EFEMP1: variants seen among roughly 807,000 people sequenced by gnomAD.
The protein encoded by EFEMP1 is EGF-like fibulin extracellular matrix protein 1, also known as EGF-containing fibulin-like extracellular matrix protein 1.
Under a neutral mutation model 65.7 loss-of-function variants are expected in EFEMP1, and 18 were observed. The observed-to-expected ratio is 0.27, with a 90% confidence interval of 0.19 to 0.41. EFEMP1 has a LOEUF of 0.41. Ranked by LOEUF, EFEMP1 falls within the 10% of genes least tolerant of loss-of-function variation. The probability of loss-of-function intolerance (pLI) is 1.00; values close to 1 mark genes in which losing one functional copy is unlikely to be tolerated. For missense variants in EFEMP1, 469 were observed against 624.8 expected (o/e 0.75, Z 2.66); for synonymous variants, 237 against 219.7 (o/e 1.08, Z -0.70).
chr2:55,908,348 A>G (rs1407850972), intron 5 of EFEMP1, among the ~76,000 whole-genome samples: 1 of 152,174 alleles, frequency 6.6e-6, no homozygotes, highest in Non-Finnish European at 1.5e-5. Context: ...CAGAAAGACA[A>G]TTACAGCATG....
intron 11 of EFEMP1, among the ~76,000 whole-genome samples, chr2:55,869,642 C>T (rs2104366307): frequency 6.6e-6 from 1 of 151,818 alleles, no homozygotes; most frequent in South Asian, 2.1e-4. Flanking sequence ...TAAACTGTAC[C>T]ACAAGGATGA....
intron 6 of EFEMP1, among the ~76,000 whole-genome samples, chr2:55,879,576 A>G (rs565837644): frequency 6.4e-4 from 97 of 152,204 alleles, no homozygotes; most frequent in Non-Finnish European, 1.0e-3. Flanking sequence ...TGGCACCCCA[A>G]GTTTATAATG....
intron 11 of EFEMP1, among the ~76,000 whole-genome samples, chr2:55,869,374 G>A (rs76637137): frequency 0.016 from 2,468 of 152,008 alleles, 80 homozygotes; most frequent in African/African-American, 0.056. Context: ...TTCATTCAGT[G>A]GAAATTTCTT....
At chr2:55,872,081 C>G (rs989532254) in intron 9 of EFEMP1, among the ~76,000 whole-genome samples, 1 of 151,946 alleles carries the variant, frequency 6.6e-6, no homozygotes, top group Non-Finnish European at 1.5e-5. Flanking sequence ...ACAACAACAA[C>G]AACAACAATA....
Position 55,917,271 on chromosome 2 carries a change from C to G in EFEMP1, c.517+394G>C. On this transcript the variant is annotated intron_variant, in intron 5 of 11. Transcript: ENST00000355426. The surrounding 1 kb of genome is among the most constrained non-coding windows in gnomAD (Gnocchi z 6.3). Reference sequence around the variant, plus strand: ...GGAAGGTCAGCTCTGCACTTAGCACCTGTGTGACCTCTGGTTCTCAAACTT... The same window carrying G: ...GGAAGGTCAGCTCTGCACTTAGCACGTGTGTGACCTCTGGTTCTCAAACTT... Among the ~76,000 whole-genome samples the G allele has an allele frequency of 6.6e-6, 1 of 152,164 alleles. No individual in the cohort carries two copies.
intron 5 of EFEMP1, among the ~76,000 whole-genome samples, chr2:55,900,068 G>A (rs1019195559): frequency 2.0e-5 from 3 of 152,106 alleles, no homozygotes; most frequent in African/African-American, 7.2e-5. Context: ...TGAGCTATGC[G>A]GTTAAGTTCA....
rs978877019 is a variant in EFEMP1 at position 55,917,489 on chromosome 2, G to A, written c.517+176C>T. ...CACAGTTTCCCATTTGTAAAGCAAT[G>A]ATGACAACTACAGCAACTACCCTTT... On this transcript the variant is annotated intron_variant, in intron 5 of 11. Coordinates refer to ENST00000355426, the MANE Select transcript of EFEMP1 (RefSeq NM_001039348.3). The surrounding 1 kb of genome is among the most constrained non-coding windows in gnomAD (Gnocchi z 6.3). 1.3e-5 allele frequency among the ~76,000 whole-genome samples: 2 copies of A among 152,192 alleles called. No individual in the cohort carries two copies. Among genetic ancestry groups the A allele is most frequent in the Non-Finnish European group, 2.9e-5 (2 of 68,032 alleles).
Position 55,917,990 on chromosome 2 carries a change from G to A in EFEMP1, c.192C>T (p.His64=). 1 of 1,614,212 alleles carries A rather than the reference G, an allele frequency of 6.2e-7. No individual in the cohort carries two copies. The highest frequency in any genetic ancestry group is 1.1e-5 in the South Asian group (1 of 91,082). Residue 64 remains histidine (H), a synonymous_variant, in exon 5 of 12, where the codon CAC becomes CAT. Transcript: ENST00000355426. This position sits in a 1 kb window ranked among gnomAD's most constrained non-coding sequence, Gnocchi z 6.3. ...TCGGAAGGCAGAGGTATCCTCCATA[G>A]TGGTTGACACACTTCATTCCACCTT... ...ACKGGMKCVN[H]YGGYLCLPKT... is the part of the protein sequence containing the mutation.
chr2:55,889,595 T>C (rs1239153261), intron 5 of EFEMP1, among the ~76,000 whole-genome samples: 1 of 152,178 alleles, frequency 6.6e-6, no homozygotes, highest in Non-Finnish European at 1.5e-5. Flanking sequence ...AAATAAGTAC[T>C]GACTGCCTAA....
At chr2:55,880,240 C>G (rs865854533) in intron 6 of EFEMP1, among the ~76,000 whole-genome samples, 2 of 152,106 alleles carry the variant, frequency 1.3e-5, no homozygotes, top group Admixed American at 6.6e-5. Context: ...GTGAGGGAAG[C>G]AGGAGGGGAA....
chr2:55,877,854 A>G lies in EFEMP1; in HGVS notation c.652T>C (p.Cys218Arg), dbSNP rs1156321733. 1 of 1,613,060 alleles carries G rather than the reference A, an allele frequency of 6.2e-7. No individual in the cohort carries two copies. Among genetic ancestry groups the G allele is most frequent in the Non-Finnish European group, 8.5e-7 (1 of 1,179,180 alleles). The stretch of plus-strand genomic sequence containing the variant: ...TGGTGGCAATATGGAGGGATGGTAC[A>G]TTCATCTATGTCTAGGTTATCAGGC... ...RGEQCVDIDECTIPPYCHQRC... is the reference protein window; with the variant it reads ...RGEQCVDIDERTIPPYCHQRC... The change falls in exon 7 of 12, where the codon TGT becomes CGT. Residue 218 changes from cysteine to arginine, a missense_variant. Coordinates refer to ENST00000355426, the MANE Select transcript of EFEMP1 (RefSeq NM_001039348.3). The surrounding 1 kb of genome is among the most constrained non-coding windows in gnomAD (Gnocchi z 4.5).
Position 55,885,754 on chromosome 2 carries a change from G to A in EFEMP1, c.518-4020C>T, listed in dbSNP as rs56358948. ...CACCGACCCCCACGTCTAGGGAACC[G>A]CACATTTGATTTTCTCTCAAAGTTA... On this transcript the variant is annotated intron_variant, in intron 5 of 11. Transcript: ENST00000355426. The surrounding 1 kb of genome is among the most constrained non-coding windows in gnomAD (Gnocchi z 4.3). Among the ~76,000 whole-genome samples the A allele has an allele frequency of 0.048, 7,229 of 151,974 alleles. 274 individuals are homozygous for A. The highest frequency in any genetic ancestry group is 0.22 in the South Asian group (1,038 of 4,794).
At position 55,870,841 on chromosome 2, in the gene EFEMP1, A is replaced by G. The variant is rs762126695; in HGVS notation, c.1199T>C (p.Ile400Thr). The G allele has an allele frequency of 2.2e-5, 36 of 1,613,822 alleles. No individual in the cohort carries two copies. The highest frequency in any genetic ancestry group is 3.1e-5 in the Non-Finnish European group (36 of 1,179,856). ...TGATGGCACAGACCTATCAGATCGGATGCTCATGTATTTGTAGACTATTGA... is the reference window on the plus strand; with the variant it reads ...TGATGGCACAGACCTATCAGATCGGGTGCTCATGTATTTGTAGACTATTGA... ...PQSIVYKYMS[I>T]RSDRSVPSDI... Residue 400 changes from isoleucine to threonine, a missense_variant, in exon 11 of 12, where the codon ATC becomes ACC. By Grantham distance (89) the Ile-to-Thr change is moderately conservative. Around this residue, in one of 3 missense-constraint regions of EFEMP1, gnomAD observed 399 missense variants for 528.2 expected, o/e 0.76. Coordinates refer to ENST00000355426, the MANE Select transcript of EFEMP1 (RefSeq NM_001039348.3). This position sits in a 1 kb window ranked among gnomAD's most constrained non-coding sequence, Gnocchi z 5.8.
intron 3 of EFEMP1, among the ~76,000 whole-genome samples, chr2:55,920,109 C>T (rs1459860188): frequency 6.6e-6 from 1 of 152,198 alleles, no homozygotes; most frequent in Non-Finnish European, 1.5e-5. Flanking sequence ...CTGACCTTAT[C>T]ACCACCTGGA....
At chr2:55,872,748 C>T (rs1023854635) in intron 9 of EFEMP1, among the ~76,000 whole-genome samples, 10 of 152,058 alleles carry the variant, frequency 6.6e-5, no homozygotes, top group Admixed American at 2.0e-4. Flanking sequence ...TCTTCTTGGG[C>T]TGGCTATGGC....
chr2:55,915,334 GT>G (rs1553357503), intron 5 of EFEMP1, among the ~76,000 whole-genome samples: 1 of 152,104 alleles, frequency 6.6e-6, no homozygotes, highest in Non-Finnish European at 1.5e-5. Context: ...GCACTTAATA[GT>G]CTGCTTATAA....
rs112276077 is a variant in EFEMP1, at chr2:55,887,704, CA to C, written c.518-5971del. On this transcript the variant is annotated intron_variant, in intron 5 of 11. Transcript: ENST00000355426. ...AGTTCTAGATTCTTATCAGTTCTGG[CA>C]AAACAGATTGTTAATAATTTGGTGT... Among the ~76,000 whole-genome samples the C allele has an allele frequency of 7.2e-3, 1,090 of 152,250 alleles. 13 individuals carry two copies. The highest frequency in any genetic ancestry group is 0.024 in the African/African-American group (1,012 of 41,544).
chr2:55,901,331 T>G (rs1364898115), intron 5 of EFEMP1, among the ~76,000 whole-genome samples: 1 of 152,236 alleles, frequency 6.6e-6, no homozygotes, highest in Non-Finnish European at 1.5e-5. Flanking sequence ...AGTTTTTGTT[T>G]TATGAAAATT....
chr2:55,896,361 C>G (rs770422230), intron 5 of EFEMP1, among the ~76,000 whole-genome samples: 3 of 152,188 alleles, frequency 2.0e-5, no homozygotes, highest in Non-Finnish European at 1.5e-5. Context: ...AGTGGTAGCA[C>G]AGACTCTAAA....
Sources: allele counts gnomAD v4.1 joint callset (sites outside exome capture counted in the v4.1 genomes callset), GRCh38; gene constraint gnomAD v4.1.1; regional missense constraint gnomAD v4.1.1; non-coding constraint Gnocchi (gnomAD v3.1); transcripts MANE v1.5; gene names NCBI Gene and HGNC (gene_info 2026-07-23, HGNC 2026-07-21).